NALF1: variants seen among roughly 807,000 people sequenced by gnomAD.
NALF1 encodes NALCN channel auxiliary factor 1.
Under a neutral mutation model 48.4 loss-of-function variants are expected in NALF1, and 3 were observed. That is an observed-to-expected ratio of 0.06 (90% confidence interval 0.03 to 0.16). The LOEUF (loss-of-function observed/expected upper bound fraction) is 0.16, where lower values mean the gene tolerates loss of function less well. Ranked by LOEUF, NALF1 falls within the 10% of genes least tolerant of loss-of-function variation. The pLI is 1.00. For missense variants in NALF1, 526 were observed against 571.5 expected, an observed-to-expected ratio of 0.92 and a Z score of 0.81; for synonymous variants, 262 against 245.7, an observed-to-expected ratio of 1.07 and a Z score of -0.62.
intron 1 of NALF1, among the ~76,000 whole-genome samples, chr13:107,587,126 T>C (rs1878482558): frequency 6.6e-6 from 1 of 151,962 alleles, no homozygotes; most frequent in African/African-American, 2.4e-5. Flanking sequence ...CCCAGATAAA[T>C]GAGGGTAATC....
intron 1 of NALF1, among the ~76,000 whole-genome samples, chr13:107,791,006 C>T (rs954845041): frequency 2.7e-5 from 4 of 150,846 alleles, no homozygotes; most frequent in African/African-American, 9.9e-5. Flanking sequence ...TGAAAACTAC[C>T]CACAAACCTA....
chr13:107,168,123 A>G lies in NALF1; in HGVS notation c.*2374T>C, dbSNP rs1226220532. 1.3e-5 allele frequency: 2 copies of G among 152,354 alleles called. No individual in the cohort carries two copies. Among genetic ancestry groups the G allele is most frequent in the African/African-American group, 2.4e-5 (1 of 41,452 alleles). 9.4% of individuals were successfully genotyped at this position (152,354 alleles called of 1,614,324 possible). ...CGCTGAAGAGATGGTGAGATGGCAC[A>G]TGGAGTGGCCTTACCACAGCAGAGG... On this transcript the variant is annotated 3_prime_UTR_variant, in exon 3 of 3. Transcript: ENST00000375915.
intron 1 of NALF1, among the ~76,000 whole-genome samples, chr13:107,211,277 C>T (rs570391099): frequency 6.6e-6 from 1 of 152,222 alleles, no homozygotes; most frequent in South Asian, 2.1e-4. Flanking sequence ...AGAGAACAGG[C>T]AGATATGGAC....
intron 1 of NALF1, among the ~76,000 whole-genome samples, chr13:107,708,093 T>C (rs190177489): frequency 1.1e-3 from 162 of 151,986 alleles, no homozygotes; most frequent in Non-Finnish European, 1.8e-3. Context: ...AACGCTCCTA[T>C]AATTTTTTAT....
At chr13:107,784,435 GA>G (rs1878012458) in intron 1 of NALF1, among the ~76,000 whole-genome samples, 1 of 151,930 alleles carries the variant, frequency 6.6e-6, no homozygotes, top group Non-Finnish European at 1.5e-5. Context: ...TCTTTATATA[GA>G]ATAGAAAGCT....
intron 1 of NALF1, among the ~76,000 whole-genome samples, chr13:107,409,833 G>A (rs1208267251): frequency 2.0e-5 from 3 of 152,154 alleles, no homozygotes; most frequent in Non-Finnish European, 4.4e-5. Context: ...ACACCATACA[G>A]CTAGACTAGG....
chr13:107,234,901 T>C (rs910863065), intron 1 of NALF1, among the ~76,000 whole-genome samples: 2 of 152,168 alleles, frequency 1.3e-5, no homozygotes, highest in African/African-American at 2.4e-5. Flanking sequence ...CTTGATGACA[T>C]GAAAATCCTC....
chr13:107,586,326 A>G (rs1878456102), intron 1 of NALF1, among the ~76,000 whole-genome samples: 1 of 152,114 alleles, frequency 6.6e-6, no homozygotes, highest in African/African-American at 2.4e-5. Context: ...TGTAAAATGC[A>G]GTCTTATACC....
intron 1 of NALF1, among the ~76,000 whole-genome samples, chr13:107,690,876 A>C (rs371467024): frequency 3.3e-5 from 5 of 152,312 alleles, no homozygotes; most frequent in Admixed American, 1.3e-4. Flanking sequence ...AATAGAGTTC[A>C]CCCATGCATT....
At position 107,849,062 on chromosome 13, in the gene NALF1, G is replaced by A. The variant is rs527427240; in HGVS notation, c.915+16620C>T. Reference sequence around the variant, plus strand: ...TTTACAACAACACCCATTTTATTGCGTTCTAGAATTTTGGTGGCTCAGGAA... The same window carrying A: ...TTTACAACAACACCCATTTTATTGCATTCTAGAATTTTGGTGGCTCAGGAA... On this transcript the variant is annotated intron_variant, in intron 1 of 2. Transcript: ENST00000375915. Among the ~76,000 whole-genome samples the A allele has an allele frequency of 1.5e-4, 23 of 152,228 alleles. 1 individual carries two copies. In the South Asian group the frequency reaches 3.7e-3, roughly 25 times the overall value.
At chr13:107,273,648 A>T (rs1415288622) in intron 1 of NALF1, among the ~76,000 whole-genome samples, 2 of 152,226 alleles carry the variant, frequency 1.3e-5, no homozygotes, top group African/African-American at 4.8e-5. Flanking sequence ...CATTTTTAAG[A>T]GACTCTTCTA....
intron 1 of NALF1, among the ~76,000 whole-genome samples, chr13:107,604,508 A>C (rs542264885): frequency 2.0e-5 from 3 of 152,256 alleles, no homozygotes; most frequent in Non-Finnish European, 4.4e-5. Flanking sequence ...AACATTGCTG[A>C]TTTCAGAAAA....
chr13:107,327,883 C>T (rs1882393834), intron 1 of NALF1, among the ~76,000 whole-genome samples: 1 of 152,050 alleles, frequency 6.6e-6, no homozygotes, highest in Admixed American at 6.6e-5. Context: ...CCACCGAAAT[C>T]CTAGTTATCC....
intron 1 of NALF1, among the ~76,000 whole-genome samples, chr13:107,554,127 T>C (rs935732315): frequency 1.3e-5 from 2 of 152,148 alleles, no homozygotes; most frequent in South Asian, 2.1e-4. Context: ...CTCCTGACAC[T>C]ACGTAGGGTT....
At chr13:107,305,382 G>A (rs1256514655) in intron 1 of NALF1, among the ~76,000 whole-genome samples, 4 of 152,116 alleles carry the variant, frequency 2.6e-5, no homozygotes, top group African/African-American at 7.2e-5. Context: ...GATTGCTTAC[G>A]CAATAATGGG....
chr13:107,565,386 A>AAC (rs1877779074), intron 1 of NALF1, among the ~76,000 whole-genome samples: 1 of 149,710 alleles, frequency 6.7e-6, no homozygotes, highest in African/African-American at 2.4e-5. Flanking sequence ...CCTTATCTCA[A>AAC]AAAAAAAAAA....
At chr13:107,800,579 A>G (rs1230386482) in intron 1 of NALF1, among the ~76,000 whole-genome samples, 1 of 147,544 alleles carries the variant, frequency 6.8e-6, no homozygotes, top group African/African-American at 2.5e-5. Flanking sequence ...TATTTAATAT[A>G]ATATACAATA....
chr13:107,194,420 ATACT>A (rs1384340623), intron 2 of NALF1, among the ~76,000 whole-genome samples: 1 of 152,222 alleles, frequency 6.6e-6, no homozygotes, highest in Non-Finnish European at 1.5e-5. Context: ...ATAAAGCCAA[ATACT>A]TACAGCCAAC....
chr13:107,768,916 G>A (rs893895331), intron 1 of NALF1, among the ~76,000 whole-genome samples: 23 of 152,062 alleles, frequency 1.5e-4, no homozygotes, highest in African/African-American at 5.6e-4. Context: ...AGACATCTAT[G>A]CAGCCAAAAA....
Sources: gnomAD v4.1 joint callset for allele counts (sites outside exome capture counted in the v4.1 genomes callset) on GRCh38, gnomAD v4.1.1 for gene constraint, MANE v1.5 for transcripts, NCBI Gene and HGNC (gene_info 2026-07-23, HGNC 2026-07-21) for gene names.